Variants in PPP6R3 observed in about 807,000 individuals in gnomAD.
PPP6R3 encodes protein phosphatase 6 regulatory subunit 3.
PPP6R3 carries 38 observed loss-of-function variants against 110.7 expected under a neutral mutation model. The ratio of observed to expected loss-of-function variants is 0.34; its 90% CI spans 0.26 to 0.45. The LOEUF is 0.45. PPP6R3 is among the 20% of genes least tolerant of loss of function. The pLI, the probability that PPP6R3 is intolerant of heterozygous loss-of-function variation, is 1.00. For missense variants in PPP6R3, 870 were observed against 1,062.4 expected, an observed-to-expected ratio of 0.82 and a Z score of 2.52; for synonymous variants, 369 against 373.5, an observed-to-expected ratio of 0.99 and a Z score of 0.14.
chr11:68,604,074 C>CT (rs1937928288), intron 22 of PPP6R3, among the ~76,000 whole-genome samples: 1 of 152,208 alleles, frequency 6.6e-6, no homozygotes, highest in Non-Finnish European at 1.5e-5. Context: ...GAGCTTTAGT[C>CT]TTAGAGACCA....
chr11:68,566,145 G>C (rs893415353), intron 9 of PPP6R3, among the ~76,000 whole-genome samples: 2 of 152,150 alleles, frequency 1.3e-5, no homozygotes, highest in African/African-American at 4.8e-5. Flanking sequence ...CAGAGGCAAC[G>C]TCTGAATTTG....
At chr11:68,583,656 T>A (rs1328344199) in intron 15 of PPP6R3, among the ~76,000 whole-genome samples, 1 of 152,224 alleles carries the variant, frequency 6.6e-6, no homozygotes, top group Non-Finnish European at 1.5e-5. Context: ...CTGCTTATAA[T>A]CTTTGTGGGG....
At chr11:68,462,548 C>T (rs2098715395) in intron 1 of PPP6R3, among the ~76,000 whole-genome samples, 1 of 152,060 alleles carries the variant, frequency 6.6e-6, no homozygotes, top group African/African-American at 2.4e-5. Context: ...AGTGTAAGTC[C>T]TCCTTGTTAC....
Position 68,614,861 on chromosome 11 carries a change from C to A in PPP6R3, c.*1744C>A. ...GCCTGACTTGAATGGCGTTGGACCT[C>A]GGGGATTACTGGTAGATAATATGCT... On this transcript the variant is annotated 3_prime_UTR_variant, in exon 24 of 24. Coordinates refer to ENST00000393800, the MANE Select transcript of PPP6R3 (RefSeq NM_001164161.2). The A allele has an allele frequency of 1.0e-6, 1 of 999,714 alleles. No homozygotes were observed. Among genetic ancestry groups the A allele is most frequent in the Non-Finnish European group, 1.5e-6 (1 of 657,540 alleles). 61.9% of individuals were successfully genotyped at this position (999,714 alleles called of 1,614,324 possible).
chr11:68,613,364 G>A lies in PPP6R3; in HGVS notation c.*247G>A. The A allele has an allele frequency of 8.3e-7, 1 of 1,209,340 alleles. No homozygotes were observed. The highest frequency in any genetic ancestry group is 1.0e-6 in the Non-Finnish European group (1 of 972,646). 74.9% of individuals were successfully genotyped at this position (1,209,340 alleles called of 1,614,324 possible). ...TATATTGTATTGTTCTAAATAATGG[G>A]TAGCCTGTGAAATAAGATCTTGCCA... On this transcript the variant is annotated 3_prime_UTR_variant, in exon 24 of 24. Transcript: ENST00000393800.
intron 1 of PPP6R3, among the ~76,000 whole-genome samples, chr11:68,490,009 TTTAA>T (rs1189069377): frequency 2.0e-5 from 3 of 152,308 alleles, no homozygotes; most frequent in African/African-American, 4.8e-5. Flanking sequence ...ACAAACTACT[TTTAA>T]TTAAGAATAA....
At chr11:68,473,233 A>G (rs2098805044) in intron 1 of PPP6R3, among the ~76,000 whole-genome samples, 1 of 152,162 alleles carries the variant, frequency 6.6e-6, no homozygotes, top group Non-Finnish European at 1.5e-5. Context: ...GTGAGAGGAG[A>G]TTTGCTGAAC....
intron 1 of PPP6R3, among the ~76,000 whole-genome samples, chr11:68,489,411 G>A (rs1206959615): frequency 6.6e-6 from 1 of 151,740 alleles, no homozygotes; most frequent in East Asian, 1.9e-4. Context: ...AGCTTTTAAA[G>A]GGTTACACTG....
In PPP6R3 at chr11:68,571,971, G is replaced by T. The variant is rs73504492; in HGVS notation, c.1343+867G>T. Reference sequence around the variant, plus strand: ...TATGTGTCTCTGTGTCTCCAGGAAAGCTAGATGACTCTTGGGAGTCAGCCT... The same window carrying T: ...TATGTGTCTCTGTGTCTCCAGGAAATCTAGATGACTCTTGGGAGTCAGCCT... On this transcript the variant is annotated intron_variant, in intron 12 of 23. Transcript: ENST00000393800. 8.1e-3 allele frequency among the ~76,000 whole-genome samples: 1,229 copies of T among 152,004 alleles called. 16 individuals are homozygous for T. The highest frequency in any genetic ancestry group is 0.029 in the African/African-American group (1,188 of 41,458).
intron 1 of PPP6R3, among the ~76,000 whole-genome samples, chr11:68,502,857 A>G (rs2099055343): frequency 6.6e-6 from 1 of 152,232 alleles, no homozygotes; most frequent in African/African-American, 2.4e-5. Context: ...AATGTCTACT[A>G]GTCATTGGGT....
chr11:68,539,619 T>C (rs1260232440), intron 3 of PPP6R3, among the ~76,000 whole-genome samples: 1 of 152,164 alleles, frequency 6.6e-6, no homozygotes, highest in Non-Finnish European at 1.5e-5. Context: ...TAGATTAGCA[T>C]AGAGGGGTTT....
intron 5 of PPP6R3, among the ~76,000 whole-genome samples, 181 bp downstream of exon 5, chr11:68,548,385 G>T (rs1336628131): frequency 6.6e-6 from 1 of 152,164 alleles, no homozygotes; most frequent in African/African-American, 2.4e-5. Flanking sequence ...TCCAGATTTT[G>T]CAGAACTAGA....
rs1185825122 is a variant in PPP6R3 at position 68,497,091 on chromosome 11, GGCGGGAGT to G, written c.-157-22407_-157-22400del. Among the ~76,000 whole-genome samples, 5 of 151,084 alleles carry G rather than the reference GGCGGGAGT, an allele frequency of 3.3e-5. No homozygotes were observed. In the South Asian group the frequency reaches 8.3e-4, roughly 25 times the overall value. On this transcript the variant is annotated intron_variant, in intron 1 of 23. Coordinates refer to ENST00000393800, the MANE Select transcript of PPP6R3 (RefSeq NM_001164161.2). Reference sequence around the variant, plus strand: ...AGACGGAGTCTCGCTCTTTCACCCAGGCGGGAGTGCAGTGGTGCGATCTCGGCTCACTG... The same window carrying G: ...AGACGGAGTCTCGCTCTTTCACCCAGGCAGTGGTGCGATCTCGGCTCACTG...
chr11:68,594,236 G>A (rs2099604495), intron 18 of PPP6R3, among the ~76,000 whole-genome samples: 1 of 150,828 alleles, frequency 6.6e-6, no homozygotes, highest in South Asian at 2.1e-4. Context: ...TAGCCTAAGC[G>A]ATATAGACCC....
At chr11:68,549,111 G>A (rs1418844521) in intron 5 of PPP6R3, among the ~76,000 whole-genome samples, 2 of 152,044 alleles carry the variant, frequency 1.3e-5, no homozygotes, top group African/African-American at 2.4e-5. Flanking sequence ...GGCTGGTCTC[G>A]AACTCCTGAC....
intron 3 of PPP6R3, among the ~76,000 whole-genome samples, chr11:68,543,741 G>A (rs2099331048): frequency 6.6e-6 from 1 of 152,234 alleles, no homozygotes; most frequent in African/African-American, 2.4e-5. Context: ...TGGCTGTCCA[G>A]CAGGGAGGAG....
At chr11:68,584,697 G>T (rs1216916234) in intron 15 of PPP6R3, among the ~76,000 whole-genome samples, 3 of 152,096 alleles carry the variant, frequency 2.0e-5, no homozygotes, top group Admixed American at 2.0e-4. Context: ...TTGTTTGACC[G>T]ACAGCTCACG....
intron 11 of PPP6R3, 93 bp from the exon 12 acceptor site, chr11:68,570,947 A>T (rs1360443296): frequency 2.8e-6 from 4 of 1,440,420 alleles, no homozygotes; most frequent in African/African-American, 1.4e-5. Flanking sequence ...TAGATTATGC[A>T]TACTACTATT....
chr11:68,556,031 A>T lies in PPP6R3; in HGVS notation c.731+1774A>T, dbSNP rs188229898. 4.3e-3 allele frequency among the ~76,000 whole-genome samples: 648 copies of T among 152,322 alleles called. 3 individuals are homozygous for T. Among genetic ancestry groups the T allele is most frequent in the Middle Eastern group, 0.01 (3 of 294 alleles). On this transcript the variant is annotated intron_variant, in intron 7 of 23. Coordinates refer to ENST00000393800, the MANE Select transcript of PPP6R3 (RefSeq NM_001164161.2). Reference sequence around the variant, plus strand: ...TCATAATAGCATCTGTATATATTTGATATATTATGTGATAATATGTAATAT... The same window carrying T: ...TCATAATAGCATCTGTATATATTTGTTATATTATGTGATAATATGTAATAT...
Sources: gnomAD v4.1 joint callset for allele counts (sites outside exome capture counted in the v4.1 genomes callset) on GRCh38, gnomAD v4.1.1 for gene constraint, MANE v1.5 for transcripts, NCBI Gene and HGNC (gene_info 2026-07-23, HGNC 2026-07-21) for gene names.